The following OPCML variants were observed in gnomAD, a reference collection of about 807,000 sequenced individuals.
OPCML encodes the protein opioid-binding protein/cell adhesion molecule.
OPCML carries 13 observed loss-of-function variants against 37.8 expected under a neutral mutation model. The observed-to-expected ratio is 0.34, with a 90% CI of 0.22 to 0.55. The LOEUF (loss-of-function observed/expected upper bound fraction) is 0.55, where lower values mean the gene tolerates loss of function less well. Ranked by LOEUF, OPCML falls within the 20% of genes least tolerant of loss-of-function variation. The probability of loss-of-function intolerance (pLI) is 0.91; values close to 1 mark genes in which losing one functional copy is unlikely to be tolerated. For missense variants in OPCML, 341 were observed against 435.6 expected (o/e 0.78, Z 1.93); for synonymous variants, 176 against 168.8 (o/e 1.04, Z -0.33).
chr11:133,224,927 C>T (rs1230084542), intron 1 of OPCML, among the ~76,000 whole-genome samples: 1 of 152,132 alleles, frequency 6.6e-6, no homozygotes, highest in Non-Finnish European at 1.5e-5. Context: ...CTTCCCTGAC[C>T]CTCCATCCCA....
intron 1 of OPCML, among the ~76,000 whole-genome samples, chr11:133,082,720 G>T (rs1445285920): frequency 7.0e-6 from 1 of 142,028 alleles, no homozygotes; most frequent in African/African-American, 2.6e-5. Flanking sequence ...GGCCCCTCTG[G>T]AGACCGCTTC....
intron 1 of OPCML, chr11:133,420,140 T>A: frequency 2.3e-6 from 1 of 430,116 alleles, no homozygotes; most frequent in Non-Finnish European, 3.1e-6. Flanking sequence ...TGTCAGTAAA[T>A]GTTATAGTAA....
chr11:133,053,992 G>C (rs1948177324), intron 1 of OPCML, among the ~76,000 whole-genome samples: 1 of 152,096 alleles, frequency 6.6e-6, no homozygotes, highest in Non-Finnish European at 1.5e-5. Context: ...TCTCAATCTT[G>C]GTAAACACCA....
At chr11:132,958,717 C>A (rs1038467502) in intron 1 of OPCML, among the ~76,000 whole-genome samples, 2 of 152,236 alleles carry the variant, frequency 1.3e-5, no homozygotes, top group Middle Eastern at 3.2e-3. Flanking sequence ...TCTTCCTGTG[C>A]TCCATAAATG....
chr11:133,130,736 A>C (rs1013237448), intron 1 of OPCML, among the ~76,000 whole-genome samples: 1 of 152,228 alleles, frequency 6.6e-6, no homozygotes, highest in African/African-American at 2.4e-5. Context: ...GCGAAGGAAC[A>C]GACAAACGGA....
intron 1 of OPCML, among the ~76,000 whole-genome samples, chr11:132,974,380 T>C (rs1266257225): frequency 6.6e-6 from 1 of 152,186 alleles, no homozygotes; most frequent in South Asian, 2.1e-4. Context: ...TCTACCAAAG[T>C]TCTTCCTATG....
chr11:133,351,198 G>A (rs1358002753), intron 1 of OPCML, among the ~76,000 whole-genome samples: 1 of 152,110 alleles, frequency 6.6e-6, no homozygotes, highest in Non-Finnish European at 1.5e-5. Context: ...AGTTTTTGTG[G>A]TCTGGGGCTA....
intron 2 of OPCML, among the ~76,000 whole-genome samples, chr11:132,807,374 G>GA (rs1305300948): frequency 5.9e-5 from 9 of 151,974 alleles, no homozygotes; most frequent in Admixed American, 5.9e-4. Context: ...GGAAAACAGG[G>GA]AAATAGCATT....
At chr11:133,392,167 A>G (rs1229252858) in intron 1 of OPCML, among the ~76,000 whole-genome samples, 3 of 152,208 alleles carry the variant, frequency 2.0e-5, no homozygotes, top group African/African-American at 7.2e-5. Flanking sequence ...ACATGAATTA[A>G]CGAATTTAAT....
At chr11:132,799,220 T>C (rs973574495) in intron 2 of OPCML, among the ~76,000 whole-genome samples, 5 of 152,080 alleles carry the variant, frequency 3.3e-5, no homozygotes, top group African/African-American at 1.2e-4. Flanking sequence ...ACATTGAAAA[T>C]CTCTTGTTGA....
At chr11:132,544,748 C>T (rs1049475399) in intron 3 of OPCML, among the ~76,000 whole-genome samples, 2 of 152,134 alleles carry the variant, frequency 1.3e-5, no homozygotes, top group East Asian at 1.9e-4. Context: ...CCCTGGGCCT[C>T]CAGGGTCAGT....
chr11:132,648,254 C>T (rs776367171), intron 3 of OPCML, among the ~76,000 whole-genome samples: 10 of 152,140 alleles, frequency 6.6e-5, no homozygotes, highest in Non-Finnish European at 1.5e-4. Flanking sequence ...CTAATTTGTC[C>T]TTCTTCTGAG....
At chr11:132,911,411 T>C (rs1302425361) in intron 2 of OPCML, among the ~76,000 whole-genome samples, 1 of 152,220 alleles carries the variant, frequency 6.6e-6, no homozygotes, top group Non-Finnish European at 1.5e-5. Context: ...TTGGAATCTA[T>C]TACCTCCTAA....
At chr11:133,182,686 A>C (rs1937892398) in intron 1 of OPCML, among the ~76,000 whole-genome samples, 1 of 152,214 alleles carries the variant, frequency 6.6e-6, no homozygotes. Flanking sequence ...GGAGATGCCA[A>C]GAGGTGGTTC....
rs1555114210 is a variant in OPCML at position 133,204,884 on chromosome 11, A to ATATATGTGTG, written c.62-261875_62-261874insCACACATATA. 7.1e-3 allele frequency among the ~76,000 whole-genome samples: 256 copies of ATATATGTGTG among 36,260 alleles called. 1 individual carries two copies. Among genetic ancestry groups the ATATATGTGTG allele is most frequent in the African/African-American group, 0.02 (234 of 11,828 alleles). The allele number at this position is 36,260 out of a possible 152,430, so 23.8% of individuals were successfully genotyped here. A position where few individuals can be genotyped will look rare whatever the true frequency, so the allele number is the denominator to read the frequency against. On this transcript the variant is annotated intron_variant, in intron 1 of 7. Coordinates refer to ENST00000524381, the MANE Select transcript of OPCML (RefSeq NM_001012393.5). ...TATATATGTGTATATATATATATAT[A>ATATATGTGTG]TATATATATATATATATATATATAT...
At chr11:133,395,515 G>T (rs1945265660) in intron 1 of OPCML, among the ~76,000 whole-genome samples, 2 of 152,080 alleles carry the variant, frequency 1.3e-5, no homozygotes, top group South Asian at 4.2e-4. Context: ...TCCTGTAGTG[G>T]TTTCATAGTT....
chr11:132,489,025 CT>C (rs1205678813), intron 4 of OPCML, among the ~76,000 whole-genome samples: 4 of 152,142 alleles, frequency 2.6e-5, no homozygotes, highest in African/African-American at 9.7e-5. Flanking sequence ...GTCTTTTTGA[CT>C]TTTTTGTAAG....
intron 1 of OPCML, among the ~76,000 whole-genome samples, chr11:133,052,767 A>G (rs532065668): frequency 1.5e-4 from 23 of 152,280 alleles, no homozygotes; most frequent in African/African-American, 4.1e-4. Flanking sequence ...GGATTTTCCA[A>G]ATGGTTGGAA....
intron 2 of OPCML, among the ~76,000 whole-genome samples, chr11:132,727,058 G>A (rs927653164): frequency 3.3e-5 from 5 of 152,224 alleles, no homozygotes; most frequent in Non-Finnish European, 5.9e-5. Context: ...TTAGCACTAC[G>A]CTGATTGCTA....
Sources: allele counts gnomAD v4.1 joint callset (sites outside exome capture counted in the v4.1 genomes callset), GRCh38; gene constraint gnomAD v4.1.1; transcripts MANE v1.5; gene names NCBI Gene and HGNC (gene_info 2026-07-23, HGNC 2026-07-21).